WWOX: variants seen among roughly 807,000 people sequenced by gnomAD.
The protein encoded by WWOX is WW domain containing oxidoreductase.
A neutral mutation model predicts 46.2 loss-of-function variants in WWOX; 69 were observed. The observed-to-expected ratio is 1.49, with a 90% CI of 1.23 to 1.82. The LOEUF (loss-of-function observed/expected upper bound fraction) is 1.82, where lower values mean the gene tolerates loss of function less well. WWOX is among the 40% of genes most tolerant of loss of function. WWOX has a pLI of 0.00. For synonymous variants in WWOX, 359 were observed against 202.6 expected, an observed-to-expected ratio of 1.77 and a Z score of -6.56; for missense variants, 919 against 542.6, an observed-to-expected ratio of 1.69 and a Z score of -6.89.
intron 8 of WWOX, among the ~76,000 whole-genome samples, chr16:78,631,847 TTAGAAG>T (rs1170531541): frequency 6.6e-6 from 1 of 152,192 alleles, no homozygotes; most frequent in Non-Finnish European, 1.5e-5. Flanking sequence ...TTCAAAGTGA[TTAGAAG>T]TAGGAGAAGC....
At position 78,386,892 on chromosome 16, in the gene WWOX, C is replaced by A. The variant is rs1233702304; in HGVS notation, c.549C>A (p.Asp183Glu). 1.2e-6 allele frequency: 2 copies of A among 1,614,086 alleles called. No individual in the cohort carries two copies. The highest frequency in any genetic ancestry group is 4.5e-5 in the East Asian group (2 of 44,884). The change falls in exon 6 of 9, where the codon GAC becomes GAA. Residue 183 changes from aspartate to glutamate, a missense_variant. Asp to Glu is a conservative substitution (Grantham distance 45). Coordinates refer to ENST00000566780, the MANE Select transcript of WWOX (RefSeq NM_016373.4). Reference sequence around the variant, plus strand: ...CCAAGGTAGAAGCAATGACCCTGGACCTCGCTCTGCTCCGTAGCGTGCAGC... The same window carrying A: ...CCAAGGTAGAAGCAATGACCCTGGAACTCGCTCTGCTCCGTAGCGTGCAGC... ...HKAKVEAMTL[D>E]LALLRSVQHF...
intron 8 of WWOX, chr16:78,897,088 A>AC (rs529961203): frequency 2.0e-5 from 3 of 151,176 alleles, no homozygotes; most frequent in African/African-American, 7.3e-5. Context: ...AAAAGAAAAA[A>AC]AAAAAGAAAA....
chr16:78,123,327 T>A (rs1274240233), intron 4 of WWOX: 4 of 151,960 alleles, frequency 2.6e-5, no homozygotes, highest in Admixed American at 1.3e-4. Context: ...CTAGCAATAA[T>A]ATGATTTTTT....
intron 8 of WWOX, among the ~76,000 whole-genome samples, chr16:78,811,535 C>T (rs377452898): frequency 1.3e-5 from 2 of 151,444 alleles, no homozygotes; most frequent in African/African-American, 2.4e-5. Flanking sequence ...CTCTCTTTCC[C>T]CCTTTTTGTA....
chr16:79,194,057 T>A (rs1337414992), intron 8 of WWOX, among the ~76,000 whole-genome samples: 1 of 152,160 alleles, frequency 6.6e-6, no homozygotes, highest in Non-Finnish European at 1.5e-5. Context: ...GTGGTTGTTA[T>A]GAAGATTCTG....
At chr16:78,596,706 G>A (rs1293256394) in intron 8 of WWOX, among the ~76,000 whole-genome samples, 6 of 152,172 alleles carry the variant, frequency 3.9e-5, no homozygotes, top group Admixed American at 1.3e-4. Flanking sequence ...GAGGTAAGCC[G>A]GGCCTAGTAG....
intron 8 of WWOX, among the ~76,000 whole-genome samples, chr16:79,084,642 T>C (rs1210678734): frequency 6.6e-6 from 1 of 152,218 alleles, no homozygotes; most frequent in Non-Finnish European, 1.5e-5. Context: ...CTTGGACTCC[T>C]GGCCTCGTGA....
intron 8 of WWOX, among the ~76,000 whole-genome samples, chr16:78,691,908 C>A (rs1352988556): frequency 1.3e-5 from 2 of 152,132 alleles, no homozygotes; most frequent in South Asian, 2.1e-4. Context: ...AATCATGGGG[C>A]CCAGCCTTTC....
chr16:78,800,644 G>T (rs940654680), intron 8 of WWOX, among the ~76,000 whole-genome samples: 3 of 152,186 alleles, frequency 2.0e-5, no homozygotes, highest in African/African-American at 7.2e-5. Context: ...ACGGCCAAAG[G>T]GGAAGCTGAG....
At chr16:78,891,567 A>G (rs2044590663) in intron 8 of WWOX, 1 of 152,226 alleles carries the variant, frequency 6.6e-6, no homozygotes, top group South Asian at 2.1e-4. Context: ...TTTAAATTAA[A>G]TTCTCTGTCG....
intron 8 of WWOX, among the ~76,000 whole-genome samples, chr16:78,628,399 A>C (rs2151654994): frequency 6.6e-6 from 1 of 152,232 alleles, no homozygotes; most frequent in South Asian, 2.1e-4. Context: ...CTGATTTACT[A>C]GGTCTGGGGT....
At chr16:78,449,402 C>G (rs1449785615) in intron 8 of WWOX, among the ~76,000 whole-genome samples, 4 of 152,086 alleles carry the variant, frequency 2.6e-5, no homozygotes, top group Admixed American at 2.6e-4. Flanking sequence ...TGGTATGAAT[C>G]CTGAGAGGCA....
intron 5 of WWOX, among the ~76,000 whole-genome samples, chr16:78,294,982 T>G (rs12922006): frequency 0.09 from 13,680 of 152,206 alleles, 1,120 homozygotes; most frequent in African/African-American, 0.2. Context: ...ACAAAGGCTC[T>G]AAGGTCTCCT....
intron 8 of WWOX, among the ~76,000 whole-genome samples, chr16:78,868,978 C>G (rs573867490): frequency 1.3e-5 from 2 of 152,248 alleles, no homozygotes; most frequent in South Asian, 2.1e-4. Flanking sequence ...GACACACACA[C>G]ACATGCATGC....
At chr16:78,161,972 A>T (rs1176993757) in intron 4 of WWOX, among the ~76,000 whole-genome samples, 1 of 152,146 alleles carries the variant, frequency 6.6e-6, no homozygotes, top group African/African-American at 2.4e-5. Flanking sequence ...TTTAAAACTC[A>T]CAGATTTCAC....
chr16:78,402,565 C>T (rs760688196), intron 6 of WWOX, among the ~76,000 whole-genome samples: 4 of 152,116 alleles, frequency 2.6e-5, no homozygotes, highest in Non-Finnish European at 5.9e-5. Flanking sequence ...TCAACACCAA[C>T]CCCCTTTCTG....
intron 4 of WWOX, among the ~76,000 whole-genome samples, chr16:78,139,968 G>A (rs749523103): frequency 3.9e-5 from 6 of 152,140 alleles, no homozygotes; most frequent in Admixed American, 1.3e-4. Flanking sequence ...GGACAAGGGC[G>A]TCCCATAAGT....
At chr16:78,463,958 G>C (rs565931619) in intron 8 of WWOX, among the ~76,000 whole-genome samples, 1 of 152,240 alleles carries the variant, frequency 6.6e-6, no homozygotes, top group Non-Finnish European at 1.5e-5. Flanking sequence ...CATTAAGTGA[G>C]TCTTTCTCCA....
intron 8 of WWOX, among the ~76,000 whole-genome samples, chr16:78,520,592 G>A (rs142579885): frequency 6.6e-6 from 1 of 152,216 alleles, no homozygotes; most frequent in Non-Finnish European, 1.5e-5. Flanking sequence ...CTGGTGGGAA[G>A]GCTGCTGGGA....
Sources: allele counts gnomAD v4.1 joint callset (sites outside exome capture counted in the v4.1 genomes callset), GRCh38; gene constraint gnomAD v4.1.1; transcripts MANE v1.5; gene names NCBI Gene and HGNC (gene_info 2026-07-23, HGNC 2026-07-21).